Variants in ADAMTS5 observed in about 807,000 individuals in gnomAD.
The protein encoded by ADAMTS5 is A disintegrin and metalloproteinase with thrombospondin motifs 5.
ADAMTS5 carries 54 observed loss-of-function variants against 81.4 expected under a neutral mutation model. The observed-to-expected ratio is 0.66, with a 90% confidence interval of 0.53 to 0.83. The LOEUF is 0.83. ADAMTS5 is among the 40% of genes least tolerant of loss of function. The pLI, the probability that ADAMTS5 is intolerant of heterozygous loss-of-function variation, is 0.00. For synonymous variants in ADAMTS5, 532 were observed against 508.8 expected (o/e 1.05, Z -0.61); for missense variants, 1,194 against 1,229.9 (o/e 0.97, Z 0.44).
chr21:26,921,351 C>G lies in ADAMTS5; in HGVS notation c.*2702G>C, dbSNP rs142009711. 1 of 151,492 alleles carries G rather than the reference C, an allele frequency of 6.6e-6. No homozygotes were observed. The highest frequency in any genetic ancestry group is 1.5e-5 in the Non-Finnish European group (1 of 67,824). 9.4% of individuals were successfully genotyped at this position (151,492 alleles called of 1,614,324 possible). A position where few individuals can be genotyped will look rare whatever the true frequency, so the allele number is the denominator to read the frequency against. ...CTAGAAGAAATAAATGTCATTTTTT[C>G]TGGCTCCCTTTGTACTTAATAAAAC... On this transcript the variant is annotated 3_prime_UTR_variant, in exon 8 of 8. Transcript: ENST00000284987.
At chr21:26,950,462 C>T (rs1322877828) in intron 2 of ADAMTS5, among the ~76,000 whole-genome samples, 2 of 152,168 alleles carry the variant, frequency 1.3e-5, no homozygotes, top group African/African-American at 2.4e-5. Context: ...TGCCTCCACT[C>T]GAGGAACATG....
chr21:26,928,665 C>CTCTT (rs200444228), intron 7 of ADAMTS5, among the ~76,000 whole-genome samples: 1 of 147,804 alleles, frequency 6.8e-6, no homozygotes, highest in African/African-American at 2.5e-5. Context: ...GTCTTTCTTT[C>CTCTT]TCTTTCTTTC....
At chr21:26,940,115 T>C (rs1415308974) in intron 3 of ADAMTS5, among the ~76,000 whole-genome samples, 1 of 152,210 alleles carries the variant, frequency 6.6e-6, no homozygotes, top group East Asian at 1.9e-4. Context: ...TTATGGCTAA[T>C]AATTTTAAAA....
At chr21:26,956,541 A>G (rs1453663061) in intron 1 of ADAMTS5, among the ~76,000 whole-genome samples, 4 of 152,176 alleles carry the variant, frequency 2.6e-5, no homozygotes, top group Non-Finnish European at 5.9e-5. Flanking sequence ...TTGAGATAAT[A>G]ATGTAGCACA....
intron 2 of ADAMTS5, among the ~76,000 whole-genome samples, chr21:26,945,835 C>G (rs377500711): frequency 6.6e-6 from 1 of 152,288 alleles, no homozygotes; most frequent in East Asian, 1.9e-4. Context: ...AATTGCACTG[C>G]GAAAGACTGC....
Position 26,923,886 on chromosome 21 carries a change from C to T in ADAMTS5, c.*167G>A. The stretch of plus-strand genomic sequence containing the variant: ...GTCACCACTGTCACGTGAAGCAGTG[C>T]ACATCCTCTTTTGGTCACAGAGAGC... On this transcript the variant is annotated 3_prime_UTR_variant, in exon 8 of 8. Coordinates refer to ENST00000284987, the MANE Select transcript of ADAMTS5 (RefSeq NM_007038.5). The T allele has an allele frequency of 5.9e-6, 4 of 675,112 alleles. No individual in the cohort carries two copies. Among genetic ancestry groups the T allele is most frequent in the Non-Finnish European group, 9.6e-6 (4 of 415,020 alleles). 41.8% of individuals were successfully genotyped at this position (675,112 alleles called of 1,614,324 possible).
chr21:26,947,423 T>C (rs1018775864), intron 2 of ADAMTS5, among the ~76,000 whole-genome samples: 2 of 151,930 alleles, frequency 1.3e-5, no homozygotes, highest in Non-Finnish European at 2.9e-5. Context: ...TATTTTCTTT[T>C]TTTCTTTTTC....
At position 26,965,623 on chromosome 21, in the gene ADAMTS5, G is replaced by GCCA. The variant is rs1987631010; in HGVS notation, c.766_768dup (p.Trp256dup). 2 of 1,596,942 alleles carry GCCA rather than the reference G, an allele frequency of 1.3e-6. No homozygotes were observed. The highest frequency in any genetic ancestry group is 1.7e-6 in the Non-Finnish European group (2 of 1,173,248). On this transcript the variant is annotated inframe_insertion, in exon 1 of 8. Coordinates refer to ENST00000284987, the MANE Select transcript of ADAMTS5 (RefSeq NM_007038.5). ...CGGGAGATGGAGCGGCGCCGCCGCC[G>GCCA]CCACCACGTCTGCGGTCCTGAGCCC...
At chr21:26,933,805 G>T (rs1293289217) in intron 4 of ADAMTS5, among the ~76,000 whole-genome samples, 1 of 152,368 alleles carries the variant, frequency 6.6e-6, no homozygotes, top group South Asian at 2.1e-4. Flanking sequence ...ATGATGAATG[G>T]TTGGGTGATG....
chr21:26,923,952 G>A lies in ADAMTS5; in HGVS notation c.*101C>T. On this transcript the variant is annotated 3_prime_UTR_variant, in exon 8 of 8. Transcript: ENST00000284987. ...TTGGACTCCTGTTGACAATGTCACT[G>A]AAGCATGACTTTCTGTGCGTTAGGT... 8.0e-7 allele frequency: 1 copy of A among 1,254,020 alleles called. No homozygotes were observed. The highest frequency in any genetic ancestry group is 1.1e-6 in the Non-Finnish European group (1 of 923,080). 77.7% of individuals were successfully genotyped at this position (1,254,020 alleles called of 1,614,324 possible). A position where few individuals can be genotyped will look rare whatever the true frequency, so the allele number is the denominator to read the frequency against.
intron 2 of ADAMTS5, chr21:26,954,036 C>A (rs1987371768): frequency 6.6e-6 from 1 of 151,896 alleles, no homozygotes; most frequent in Admixed American, 6.6e-5. Flanking sequence ...AACATCTAGT[C>A]CTAAATGTAC....
chr21:26,946,896 A>T (rs1987226008), intron 2 of ADAMTS5, among the ~76,000 whole-genome samples: 2 of 152,086 alleles, frequency 1.3e-5, no homozygotes, highest in Admixed American at 1.3e-4. Context: ...TCTTTTTTGG[A>T]GAGTCAGAGT....
In ADAMTS5 at chr21:26,923,819, C is replaced by T. The variant is rs2123162207; in HGVS notation, c.*234G>A. On this transcript the variant is annotated 3_prime_UTR_variant, in exon 8 of 8. Transcript: ENST00000284987. ...CATTCATCAGTGTTTCTTGTAAGCC[C>T]AGGGGATGTTCAATAACTCCCAAGT... is the stretch of plus-strand genomic sequence containing the variant. 2.1e-6 allele frequency: 1 copy of T among 467,448 alleles called. No individual in the cohort carries two copies. The highest frequency in any genetic ancestry group is 3.3e-5 in the East Asian group (1 of 30,326). The allele number at this position is 467,448 out of a possible 1,614,324, so 29.0% of individuals were successfully genotyped here. A position where few individuals can be genotyped will look rare whatever the true frequency, so the allele number is the denominator to read the frequency against.
chr21:26,938,835 AGTT>A (rs1987064180), intron 3 of ADAMTS5, among the ~76,000 whole-genome samples: 1 of 152,088 alleles, frequency 6.6e-6, no homozygotes, highest in South Asian at 2.1e-4. Flanking sequence ...CCGGTCTCAA[AGTT>A]GTTGTTCTTT....
At chr21:26,940,448 C>T (rs1442169878) in intron 3 of ADAMTS5, among the ~76,000 whole-genome samples, 2 of 152,142 alleles carry the variant, frequency 1.3e-5, no homozygotes, top group African/African-American at 4.8e-5. Flanking sequence ...GGCTTTTGAC[C>T]TTTAGAAAAT....
At chr21:26,944,853 T>C (rs1295531438) in intron 2 of ADAMTS5, among the ~76,000 whole-genome samples, 1 of 152,128 alleles carries the variant, frequency 6.6e-6, no homozygotes, top group African/African-American at 2.4e-5. Context: ...AATTGTCCAC[T>C]GAGCAACTGA....
intron 2 of ADAMTS5, among the ~76,000 whole-genome samples, chr21:26,951,002 T>A (rs1281590069): frequency 6.6e-6 from 1 of 152,158 alleles, no homozygotes; most frequent in African/African-American, 2.4e-5. Context: ...ACTACAGGCA[T>A]GCACCACCAT....
chr21:26,928,707 C>T (rs1986850833), intron 7 of ADAMTS5, among the ~76,000 whole-genome samples: 3 of 143,012 alleles, frequency 2.1e-5, no homozygotes, highest in African/African-American at 2.6e-5. Flanking sequence ...CTCTCTCTTT[C>T]TTTCTTTCTC....
chr21:26,958,708 G>C (rs1017524017), intron 1 of ADAMTS5, among the ~76,000 whole-genome samples: 3 of 152,226 alleles, frequency 2.0e-5, no homozygotes, highest in African/African-American at 7.2e-5. Context: ...GTGGTAAATA[G>C]ATGAAATAAG....
Sources: gnomAD v4.1 joint callset for allele counts (sites outside exome capture counted in the v4.1 genomes callset) on GRCh38, gnomAD v4.1.1 for gene constraint, MANE v1.5 for transcripts, NCBI Gene and HGNC (gene_info 2026-07-23, HGNC 2026-07-21) for gene names.